Variants in PACSIN2 observed in about 807,000 individuals in gnomAD.
PACSIN2 encodes the protein protein kinase C and casein kinase substrate in neurons 2.
A neutral mutation model predicts 63.8 loss-of-function variants in PACSIN2; 25 were observed. The observed-to-expected ratio is 0.39, with a 90% CI of 0.29 to 0.55. The LOEUF is 0.55. Among genes scored for constraint, PACSIN2 ranks in the 20% least tolerant of loss-of-function variants. PACSIN2 has a pLI of 0.62. For synonymous variants in PACSIN2, 255 were observed against 256.2 expected, an observed-to-expected ratio of 1.00 and a Z score of 0.05; for missense variants, 518 against 646.9, an observed-to-expected ratio of 0.80 and a Z score of 2.16.
At chr22:42,933,671 CGGG>C in intron 1 of PACSIN2, among the ~76,000 whole-genome samples, 1 of 152,336 alleles carries the variant, frequency 6.6e-6, no homozygotes, top group Non-Finnish European at 1.5e-5. Flanking sequence ...CAAACCCCAA[CGGG>C]GCCCTCACAG....
intron 10 of PACSIN2, among the ~76,000 whole-genome samples, chr22:42,875,570 C>G (rs1928551475): frequency 6.6e-6 from 1 of 151,606 alleles, no homozygotes; most frequent in Non-Finnish European, 1.5e-5. Flanking sequence ...AAGTCTTGCT[C>G]TGTCACCCAG....
chr22:42,974,674 G>C (rs1921557702), intron 1 of PACSIN2, among the ~76,000 whole-genome samples: 1 of 151,418 alleles, frequency 6.6e-6, no homozygotes, highest in South Asian at 2.1e-4. Context: ...GCTTAAACCT[G>C]GGAGGTGGAG....
chr22:42,935,384 T>C (rs1432469995), intron 1 of PACSIN2, among the ~76,000 whole-genome samples: 1 of 152,136 alleles, frequency 6.6e-6, no homozygotes, highest in Non-Finnish European at 1.5e-5. Context: ...AAGGCTCTCC[T>C]GCACAGACTG....
intron 5 of PACSIN2, among the ~76,000 whole-genome samples, chr22:42,886,166 A>G (rs1024203324): frequency 6.6e-6 from 1 of 152,078 alleles, no homozygotes; most frequent in African/African-American, 2.4e-5. Context: ...GCTAGCCCCA[A>G]GTCCTGCCCC....
At chr22:42,908,324 TCAG>T (rs1214874237) in intron 2 of PACSIN2, among the ~76,000 whole-genome samples, 1 of 152,104 alleles carries the variant, frequency 6.6e-6, no homozygotes, top group East Asian at 1.9e-4. Context: ...GCAGCGGCTC[TCAG>T]CCCTGCTAGG....
At chr22:42,879,362 T>G (rs563956622) in intron 7 of PACSIN2, among the ~76,000 whole-genome samples, 193 bp from the exon 8 acceptor site, 2 of 152,352 alleles carry the variant, frequency 1.3e-5, no homozygotes, top group African/African-American at 4.8e-5. Flanking sequence ...CCAAACGACC[T>G]GAGCCCCTCC....
chr22:42,931,552 G>A (rs989664161), intron 1 of PACSIN2, among the ~76,000 whole-genome samples: 2 of 152,186 alleles, frequency 1.3e-5, no homozygotes, highest in African/African-American at 4.8e-5. Context: ...CCAGGGTTCA[G>A]AGGGCTCCAC....
At chr22:42,880,739 CAGAG>C (rs897717078) in intron 7 of PACSIN2, 1 of 152,250 alleles carries the variant, frequency 6.6e-6, no homozygotes, top group African/African-American at 2.4e-5. Context: ...CATGGACCCA[CAGAG>C]AGAAGGACCC....
intron 6 of PACSIN2, 107 bp from the exon 7 acceptor site, chr22:42,882,411 T>G (rs762573548): frequency 7.7e-5 from 101 of 1,314,218 alleles, no homozygotes; most frequent in Non-Finnish European, 9.7e-5. Flanking sequence ...CCTCTGTGAG[T>G]TGGTTTCACA....
intron 1 of PACSIN2, among the ~76,000 whole-genome samples, chr22:42,935,520 A>G (rs913124098): frequency 1.3e-5 from 2 of 152,196 alleles, no homozygotes; most frequent in African/African-American, 4.8e-5. Flanking sequence ...AGCAGTTTCA[A>G]TGAAGTAACT....
chr22:42,947,270 G>C (rs1055295755), intron 1 of PACSIN2, among the ~76,000 whole-genome samples: 2 of 152,136 alleles, frequency 1.3e-5, no homozygotes, highest in African/African-American at 4.8e-5. Context: ...GGCCACCTTC[G>C]AGGTCTGCTG....
intron 1 of PACSIN2, among the ~76,000 whole-genome samples, chr22:42,923,066 A>G (rs1473742015): frequency 6.6e-6 from 1 of 152,202 alleles, no homozygotes; most frequent in African/African-American, 2.4e-5. Flanking sequence ...GGAAGCTCAC[A>G]TGCTTCTGTG....
chr22:42,901,951 G>T (rs1215675954), intron 2 of PACSIN2, among the ~76,000 whole-genome samples: 1 of 152,206 alleles, frequency 6.6e-6, no homozygotes, highest in Non-Finnish European at 1.5e-5. Context: ...AGAGGGAGCA[G>T]TTTCCAGTCT....
At chr22:42,931,851 C>T (rs770466280) in intron 1 of PACSIN2, among the ~76,000 whole-genome samples, 2 of 152,130 alleles carry the variant, frequency 1.3e-5, no homozygotes, top group African/African-American at 4.8e-5. Flanking sequence ...CACAAAACCC[C>T]CAATTGTAAG....
chr22:42,879,457 G>A (rs1285426160), intron 7 of PACSIN2, among the ~76,000 whole-genome samples: 10 of 152,326 alleles, frequency 6.6e-5, no homozygotes, highest in Non-Finnish European at 5.9e-5. Context: ...CCACCTCCCA[G>A]AGGACCAGCG....
At chr22:42,889,526 AG>A (rs1416351961) in intron 4 of PACSIN2, among the ~76,000 whole-genome samples, 8 of 152,332 alleles carry the variant, frequency 5.3e-5, no homozygotes, top group African/African-American at 1.9e-4. Context: ...GGGACAAAAC[AG>A]AAGAGAAAGG....
At chr22:42,892,404 C>T (rs1929978160) in intron 3 of PACSIN2, among the ~76,000 whole-genome samples, 1 of 152,168 alleles carries the variant, frequency 6.6e-6, no homozygotes, top group South Asian at 2.1e-4. Context: ...GGAAGTTGGA[C>T]CTCTCTGTGC....
intron 1 of PACSIN2, among the ~76,000 whole-genome samples, chr22:42,927,308 C>T (rs35005090): frequency 0.059 from 9,037 of 151,944 alleles, 439 homozygotes; most frequent in Middle Eastern, 0.11. Context: ...CACAGTGGCA[C>T]GATCTTAGCT....
At chr22:42,876,473 G>A in intron 9 of PACSIN2, 140 bp from the exon 10 acceptor site, 1 of 671,920 alleles carries the variant, frequency 1.5e-6, no homozygotes, top group Non-Finnish European at 2.5e-6. Flanking sequence ...TGGAGCCAGT[G>A]CTAGTGTGAG....
Sources: allele counts gnomAD v4.1 joint callset (sites outside exome capture counted in the v4.1 genomes callset), GRCh38; gene constraint gnomAD v4.1.1; transcripts MANE v1.5; gene names NCBI Gene and HGNC (gene_info 2026-07-23, HGNC 2026-07-21).